Variants in ANK2 observed in about 807,000 individuals in gnomAD.
ANK2 encodes the protein ankyrin-2.
A neutral mutation model predicts 360.5 loss-of-function variants in ANK2; 83 were observed. That is an observed-to-expected ratio of 0.23 (90% confidence interval 0.19 to 0.28). The LOEUF (loss-of-function observed/expected upper bound fraction) is 0.28, where lower values mean the gene tolerates loss of function less well. Among genes scored for constraint, ANK2 ranks in the 10% least tolerant of loss-of-function variants. ANK2 has a pLI of 1.00. For missense variants in ANK2, 4,201 were observed against 4,795.7 expected, an observed-to-expected ratio of 0.88 and a Z score of 3.66; for synonymous variants, 1,740 against 1,759.5, an observed-to-expected ratio of 0.99 and a Z score of 0.28.
At chr4:112,939,834 G>C (rs767588773) in intron 2 of ANK2, among the ~76,000 whole-genome samples, 2 of 152,096 alleles carry the variant, frequency 1.3e-5, no homozygotes, top group African/African-American at 4.8e-5. Context: ...ATTACTATAA[G>C]TAGCAACTAT....
At chr4:112,796,523 T>A in the ANK2 span, among the ~76,000 whole-genome samples, 1 of 151,968 alleles carries the variant, frequency 6.6e-6, no homozygotes, top group African/African-American at 2.4e-5. Context: ...AAATTTTTTT[T>A]AACTTAAATA....
chr4:113,231,565 C>T (rs1430512745), intron 4 of ANK2, among the ~76,000 whole-genome samples: 4 of 151,396 alleles, frequency 2.6e-5, no homozygotes, highest in Admixed American at 6.6e-5. Flanking sequence ...ATGTTATGAA[C>T]TTATACAGAT....
chr4:113,073,578 C>T (rs1175278016), intron 1 of ANK2, among the ~76,000 whole-genome samples: 1 of 152,108 alleles, frequency 6.6e-6, no homozygotes, highest in African/African-American at 2.4e-5. Flanking sequence ...AGAAGAATGG[C>T]ATTTTTTCTC....
chr4:112,957,677 C>G (rs1258980108), intron 2 of ANK2, among the ~76,000 whole-genome samples: 1 of 150,596 alleles, frequency 6.6e-6, no homozygotes. Flanking sequence ...GACGGGGCGG[C>G]TGGCTGGGCG....
intron 2 of ANK2, among the ~76,000 whole-genome samples, chr4:112,911,187 G>C: frequency 1.8e-5 from 1 of 54,700 alleles, no homozygotes; most frequent in Admixed American, 2.1e-4. Context: ...CCAAGATGGT[G>C]CTTTTTTTTT....
chr4:112,831,231 C>T (rs115718058), intron 1 of ANK2, among the ~76,000 whole-genome samples: 2,532 of 152,350 alleles, frequency 0.017, 39 homozygotes, highest in South Asian at 0.03. Context: ...TGCCCACGGC[C>T]CTGGTGCAGG....
upstream of ANK2, among the ~76,000 whole-genome samples, chr4:112,814,428 T>G (rs1345887039): frequency 1.4e-5 from 1 of 73,942 alleles, no homozygotes; most frequent in Non-Finnish European, 3.1e-5. Flanking sequence ...GGAGAGCGTT[T>G]TTTTGTTTTT....
chr4:113,024,672 A>G (rs1052531904), intron 2 of ANK2, among the ~76,000 whole-genome samples: 1 of 152,086 alleles, frequency 6.6e-6, no homozygotes, highest in Non-Finnish European at 1.5e-5. Flanking sequence ...AAAGACTCCA[A>G]TGGCATTATG....
the ANK2 span, among the ~76,000 whole-genome samples, chr4:112,762,058 A>G: frequency 1.3e-5 from 2 of 152,236 alleles, no homozygotes; most frequent in Non-Finnish European, 2.9e-5. Flanking sequence ...TTTGCTGGGC[A>G]TGGGGAACAG....
intron 2 of ANK2, among the ~76,000 whole-genome samples, chr4:112,946,325 A>G (rs1376596688): frequency 6.6e-6 from 1 of 152,102 alleles, no homozygotes; most frequent in Non-Finnish European, 1.5e-5. Flanking sequence ...AGCACTGGGG[A>G]GTGAGCAAGC....
In ANK2 at chr4:113,282,935, G is replaced by A. The variant is rs540009803; in HGVS notation, c.2079+63G>A. 1.6e-4 allele frequency: 246 copies of A among 1,562,028 alleles called. 1 individual carries two copies. Among genetic ancestry groups the A allele is most frequent in the South Asian group, 8.6e-4 (77 of 89,456 alleles). On this transcript the variant is annotated intron_variant, in intron 18 of 45. Transcript: ENST00000357077. ...GGATGCATGTAAACAGGAACCAATC[G>A]CAGACAGTTTGGAACAAAAAGGAGC...
At chr4:112,959,236 T>C (rs2033326119) in intron 2 of ANK2, among the ~76,000 whole-genome samples, 1 of 152,140 alleles carries the variant, frequency 6.6e-6, no homozygotes, top group Non-Finnish European at 1.5e-5. Flanking sequence ...GTGAACATTG[T>C]ATCCAATAGA....
chr4:112,784,987 G>A, the ANK2 span, among the ~76,000 whole-genome samples: 2 of 152,140 alleles, frequency 1.3e-5, no homozygotes, highest in East Asian at 3.8e-4. Context: ...TGATGCCGTG[G>A]CCAATAAAAT....
At chr4:112,838,132 C>G (rs1030197442) in intron 1 of ANK2, among the ~76,000 whole-genome samples, 2 of 151,942 alleles carry the variant, frequency 1.3e-5, no homozygotes, top group Non-Finnish European at 2.9e-5. Flanking sequence ...GGCAGTTTCC[C>G]CTGTGCTGTT....
At chr4:112,782,724 C>T in the ANK2 span, among the ~76,000 whole-genome samples, 18 of 151,646 alleles carry the variant, frequency 1.2e-4, no homozygotes, top group Admixed American at 3.9e-4. Context: ...CAAAAATTAG[C>T]TGGGCATGGT....
At chr4:113,253,458 G>C (rs1346026134) in intron 10 of ANK2, among the ~76,000 whole-genome samples, 1 of 152,090 alleles carries the variant, frequency 6.6e-6, no homozygotes. Context: ...ATTGCCACTT[G>C]GATGTCTCCT....
intron 13 of ANK2, among the ~76,000 whole-genome samples, chr4:113,262,873 A>G (rs2053746998): frequency 6.6e-6 from 1 of 151,842 alleles, no homozygotes; most frequent in Non-Finnish European, 1.5e-5. Context: ...CCTCACCAAT[A>G]CAGAGGGACA....
intron 2 of ANK2, among the ~76,000 whole-genome samples, chr4:112,922,328 A>T (rs2091731026): frequency 6.6e-6 from 1 of 152,176 alleles, no homozygotes. Context: ...TATATGGCTC[A>T]TGGTGTTGCA....
the ANK2 span, among the ~76,000 whole-genome samples, chr4:112,778,161 G>T: frequency 1.3e-5 from 2 of 151,008 alleles, no homozygotes; most frequent in African/African-American, 4.9e-5. Flanking sequence ...GTAGAGACGG[G>T]GTTTTGCCAT....
Sources: gnomAD v4.1 joint callset for allele counts (sites outside exome capture counted in the v4.1 genomes callset) on GRCh38, gnomAD v4.1.1 for gene constraint, MANE v1.5 for transcripts, NCBI Gene and HGNC (gene_info 2026-07-23, HGNC 2026-07-21) for gene names.